The following UNC79 variants were observed in gnomAD, a reference collection of about 807,000 sequenced individuals.
UNC79 encodes the protein unc-79 subunit of NALCN channel complex.
Under a neutral mutation model 283.1 loss-of-function variants are expected in UNC79, and 37 were observed. The observed-to-expected ratio is 0.13, with a 90% CI of 0.10 to 0.17. The LOEUF (loss-of-function observed/expected upper bound fraction) is 0.17. Ranked by LOEUF, UNC79 falls within the 10% of genes least tolerant of loss-of-function variation. The pLI is 1.00. For synonymous variants in UNC79, 1,107 were observed against 1,200.2 expected, an observed-to-expected ratio of 0.92 and a Z score of 1.61; for missense variants, 2,272 against 3,211.1, an observed-to-expected ratio of 0.71 and a Z score of 7.07.
At chr14:93,608,452 G>C (rs1448198535) in intron 26 of UNC79, among the ~76,000 whole-genome samples, 1 of 152,192 alleles carries the variant, frequency 6.6e-6, no homozygotes. Flanking sequence ...ATAGGATGTG[G>C]AATAGGAAGG....
chr14:93,681,421 A>G (rs2073836860), intron 41 of UNC79, among the ~76,000 whole-genome samples: 4 of 152,192 alleles, frequency 2.6e-5, no homozygotes, highest in Admixed American at 2.6e-4. Context: ...ACCTGTTAAT[A>G]ATGCTTACAT....
chr14:93,417,635 T>C lies in UNC79; in HGVS notation c.-350-50036T>C, dbSNP rs2055492799. ...AGAGTGTTTTCCAACTTGGTTCCAT[T>C]CTCCCCGTCACTTTCAGGTACACCA... On this transcript the variant is annotated intron_variant, in intron 1 of 49. Transcript: ENST00000256339. 2.0e-5 allele frequency among the ~76,000 whole-genome samples: 3 copies of C among 152,338 alleles called. No homozygotes were observed. The East Asian group carries it at 5.8e-4, about 29-fold the overall frequency.
chr14:93,672,914 T>A (rs1011670510), intron 40 of UNC79, among the ~76,000 whole-genome samples: 13 of 152,244 alleles, frequency 8.5e-5, no homozygotes, highest in Admixed American at 8.5e-4. Flanking sequence ...TTCCATTCTC[T>A]CCATTTTTCT....
intron 40 of UNC79, among the ~76,000 whole-genome samples, chr14:93,672,614 AT>A (rs2072982484): frequency 6.6e-6 from 1 of 152,204 alleles, no homozygotes; most frequent in African/African-American, 2.4e-5. Context: ...TAAGGTGACC[AT>A]AACTAATGAC....
intron 7 of UNC79, among the ~76,000 whole-genome samples, chr14:93,498,085 C>A (rs2059102274): frequency 6.6e-6 from 1 of 151,696 alleles, no homozygotes; most frequent in Admixed American, 6.6e-5. Context: ...GCCTGAGGTC[C>A]AGAGTTTGAG....
intron 34 of UNC79, among the ~76,000 whole-genome samples, chr14:93,644,960 A>G (rs1012553806): frequency 6.6e-6 from 1 of 152,196 alleles, no homozygotes; most frequent in South Asian, 2.1e-4. Flanking sequence ...ATATGGAGAG[A>G]TAAGAGAAGA....
chr14:93,683,632 T>G (rs1285374675), intron 42 of UNC79, among the ~76,000 whole-genome samples: 1 of 152,172 alleles, frequency 6.6e-6, no homozygotes, highest in African/African-American at 2.4e-5. Context: ...TCCCTAATAA[T>G]AAAAGGGTTA....
chr14:93,686,069 CTCTT>C (rs1181521303), intron 42 of UNC79, among the ~76,000 whole-genome samples: 1 of 152,294 alleles, frequency 6.6e-6, no homozygotes, highest in South Asian at 2.1e-4. Flanking sequence ...GAATTTTTGA[CTCTT>C]TCAGCAAACA....
chr14:93,359,945 A>G (rs1176944326), intron 1 of UNC79, among the ~76,000 whole-genome samples: 2 of 152,176 alleles, frequency 1.3e-5, no homozygotes, highest in African/African-American at 4.8e-5. Context: ...AAATGATCAG[A>G]CATTTTGGGG....
intron 5 of UNC79, 26 bp downstream of exon 5, chr14:93,487,781 C>A: frequency 6.3e-7 from 1 of 1,597,104 alleles, no homozygotes; most frequent in Non-Finnish European, 8.6e-7. Flanking sequence ...AATGGTTTGA[C>A]TAATTCTAGT....
intron 7 of UNC79, among the ~76,000 whole-genome samples, chr14:93,513,223 T>G (rs80336047): frequency 1.1e-4 from 7 of 65,550 alleles, no homozygotes; most frequent in Non-Finnish European, 2.3e-4. Context: ...TCCTTCCTTC[T>G]TTCCTTCCTT....
At chr14:93,467,905 G>A in intron 2 of UNC79, 114 bp downstream of exon 2, 1 of 1,252,560 alleles carries the variant, frequency 8.0e-7, no homozygotes, top group Non-Finnish European at 1.0e-6. Flanking sequence ...GTTTTCTAGT[G>A]CTCTGTCAGA....
intron 7 of UNC79, among the ~76,000 whole-genome samples, chr14:93,511,154 C>G (rs1209030534): frequency 1.3e-5 from 2 of 152,150 alleles, no homozygotes; most frequent in Non-Finnish European, 2.9e-5. Context: ...TGTGCACTCA[C>G]TCACTATTAT....
chr14:93,617,368 G>A lies in UNC79; in HGVS notation c.4224+64G>A. On this transcript the variant is annotated intron_variant, in intron 28 of 48. Coordinates refer to ENST00000555664, the Ensembl canonical transcript of UNC79. This position sits in a 1 kb window ranked among gnomAD's most constrained non-coding sequence, Gnocchi z 4.5. ...TCTCTTAGAGAGCATATAGCATTAG[G>A]AGAACACCTGAGTCTTTAGTTGAAA... The A allele has an allele frequency of 1.3e-6, 2 of 1,506,184 alleles. No individual in the cohort carries two copies. Among genetic ancestry groups the A allele is most frequent in the Non-Finnish European group, 1.8e-6 (2 of 1,116,042 alleles). 93.3% of individuals were successfully genotyped at this position (1,506,184 alleles called of 1,614,324 possible). A position where few individuals can be genotyped will look rare whatever the true frequency, so the allele number is the denominator to read the frequency against.
intron 1 of UNC79, among the ~76,000 whole-genome samples, chr14:93,390,836 G>A (rs1021577052): frequency 6.6e-6 from 1 of 152,140 alleles, no homozygotes; most frequent in Non-Finnish European, 1.5e-5. Context: ...TTCATAGACT[G>A]CAAAACTTAA....
At chr14:93,453,944 G>T (rs1164653123) in intron 1 of UNC79, among the ~76,000 whole-genome samples, 1 of 152,252 alleles carries the variant, frequency 6.6e-6, no homozygotes, top group Non-Finnish European at 1.5e-5. Flanking sequence ...TTTTTGAGGA[G>T]GAATAGATTG....
At position 93,408,597 on chromosome 14, in the gene UNC79, C is replaced by CG. The variant is rs34159934; in HGVS notation, c.-350-59071dup. The stretch of plus-strand genomic sequence containing the variant: ...GTCCCAGCTATTCAGGAGGCTGAGG[C>CG]GGGAAGATTGCTTGAGCCCAGAAGG... On this transcript the variant is annotated intron_variant, in intron 1 of 49. Coordinates refer to the UNC79 transcript ENST00000256339. Among the ~76,000 whole-genome samples, 1,012 of 152,202 alleles carry CG rather than the reference C, an allele frequency of 6.6e-3. 3 individuals are homozygous for CG. Among genetic ancestry groups the CG allele is most frequent in the Non-Finnish European group, 0.011 (723 of 68,016 alleles).
At chr14:93,472,287 G>A (rs2057549346) in intron 2 of UNC79, among the ~76,000 whole-genome samples, 1 of 151,998 alleles carries the variant, frequency 6.6e-6, no homozygotes, top group African/African-American at 2.4e-5. Flanking sequence ...CATTAATAAA[G>A]GTGGTATTCT....
At chr14:93,652,955 C>T (rs1006801789) in intron 35 of UNC79, among the ~76,000 whole-genome samples, 1 of 151,998 alleles carries the variant, frequency 6.6e-6, no homozygotes, top group Non-Finnish European at 1.5e-5. Context: ...GTTATTTTTT[C>T]CTGAAGAATA....
Sources: allele counts gnomAD v4.1 joint callset (sites outside exome capture counted in the v4.1 genomes callset), GRCh38; gene constraint gnomAD v4.1.1; non-coding constraint Gnocchi (gnomAD v3.1); transcripts MANE v1.5; gene names NCBI Gene and HGNC (gene_info 2026-07-23, HGNC 2026-07-21).